RPSA2: variants seen among roughly 807,000 people sequenced by gnomAD.
RPSA2 encodes small ribosomal subunit protein uS2B.
chr19:23,850,625 A>T, the RPSA2 span, among the ~76,000 whole-genome samples: 1 of 151,584 alleles, frequency 6.6e-6, no homozygotes, highest in South Asian at 2.1e-4. Flanking sequence ...CAGACAGGGG[A>T]TTGATGATCT....
At chr19:23,862,922 T>A in the RPSA2 span, among the ~76,000 whole-genome samples, 1 of 151,672 alleles carries the variant, frequency 6.6e-6, no homozygotes. Flanking sequence ...TTTGTTTTTT[T>A]GAGATGGAGT....
chr19:23,849,722 C>T, the RPSA2 span, among the ~76,000 whole-genome samples: 13 of 152,072 alleles, frequency 8.5e-5, no homozygotes, highest in South Asian at 2.1e-4. Flanking sequence ...CTCCTGCCAG[C>T]GGAGCAATTG....
chr19:23,827,522 C>A, the RPSA2 span: 1 of 1,596,986 alleles, frequency 6.3e-7, no homozygotes, highest in Non-Finnish European at 8.5e-7. Context: ...GGAGCCACGG[C>A]TTCTTGTGGT....
the RPSA2 span, among the ~76,000 whole-genome samples, chr19:23,841,408 G>A: frequency 6.6e-6 from 1 of 152,144 alleles, no homozygotes; most frequent in Admixed American, 6.5e-5. Context: ...AGCTTGCAGT[G>A]AGCCAAGATC....
At chr19:23,782,441 AGGG>A in the RPSA2 span, 23 of 152,112 alleles carry the variant, frequency 1.5e-4, no homozygotes, top group African/African-American at 5.6e-4. Context: ...TCCTGACTAC[AGGG>A]AGCATTGTGA....
the RPSA2 span, among the ~76,000 whole-genome samples, chr19:23,839,609 A>G: frequency 1.3e-5 from 2 of 152,210 alleles, no homozygotes; most frequent in Non-Finnish European, 2.9e-5. Flanking sequence ...GCCTTCCCTG[A>G]GTTCTTGCCA....
chr19:23,832,280 G>T, the RPSA2 span: 23 of 451,164 alleles, frequency 5.1e-5, no homozygotes, highest in South Asian at 2.9e-4. Context: ...AAACATAAGA[G>T]AATTCATACT....
the RPSA2 span, among the ~76,000 whole-genome samples, chr19:23,781,037 T>C: frequency 6.6e-6 from 1 of 152,194 alleles, no homozygotes; most frequent in East Asian, 1.9e-4. Context: ...TGCAGTGGCA[T>C]GATCTCGGCT....
the RPSA2 span, among the ~76,000 whole-genome samples, chr19:23,858,922 CTG>C: frequency 6.1e-4 from 93 of 152,348 alleles, no homozygotes; most frequent in African/African-American, 2.2e-3. Context: ...TGAAGCCAGT[CTG>C]TAAAATCCGC....
chr19:23,843,494 G>T, the RPSA2 span, among the ~76,000 whole-genome samples: 1 of 152,090 alleles, frequency 6.6e-6, no homozygotes, highest in African/African-American at 2.4e-5. Context: ...TTTCCTTTGA[G>T]GGTACCATGA....
the RPSA2 span, among the ~76,000 whole-genome samples, chr19:23,856,739 G>A: frequency 1.9e-3 from 289 of 152,212 alleles, 2 homozygotes; most frequent in Non-Finnish European, 3.5e-3. Flanking sequence ...GGCCGCTGGG[G>A]GTGACATCAC....
At chr19:23,858,672 C>A in the RPSA2 span, among the ~76,000 whole-genome samples, 2 of 152,250 alleles carry the variant, frequency 1.3e-5, no homozygotes, top group Middle Eastern at 3.4e-3. Flanking sequence ...TAAATGCCAG[C>A]AGCTGTGCCA....
the RPSA2 span, among the ~76,000 whole-genome samples, chr19:23,870,825 G>A: frequency 1.3e-5 from 2 of 152,192 alleles, no homozygotes; most frequent in South Asian, 4.1e-4. Flanking sequence ...CCTGAGGATT[G>A]TGACCAACAC....
the RPSA2 span, among the ~76,000 whole-genome samples, chr19:23,790,952 C>T: frequency 6.6e-6 from 1 of 152,154 alleles, no homozygotes; most frequent in African/African-American, 2.4e-5. Flanking sequence ...AGGCTGACAG[C>T]CGGGCCCCCG....
the RPSA2 span, among the ~76,000 whole-genome samples, chr19:23,791,215 C>CTTTTT: frequency 6.6e-6 from 1 of 152,108 alleles, no homozygotes; most frequent in East Asian, 1.9e-4. Context: ...GTGGAAGGGG[C>CTTTTT]TTCTCGAACT....
chr19:23,801,674 A>G, the RPSA2 span, among the ~76,000 whole-genome samples: 1 of 152,200 alleles, frequency 6.6e-6, no homozygotes, highest in African/African-American at 2.4e-5. Context: ...TAAACCAATA[A>G]TAAGTTATTT....
the RPSA2 span, among the ~76,000 whole-genome samples, chr19:23,770,610 C>T: frequency 6.6e-6 from 1 of 152,148 alleles, no homozygotes; most frequent in Non-Finnish European, 1.5e-5. Context: ...CCCTTTTCTG[C>T]CTGCACCCTG....
the RPSA2 span, among the ~76,000 whole-genome samples, chr19:23,805,177 T>C: frequency 8.9e-6 from 1 of 111,974 alleles, no homozygotes; most frequent in African/African-American, 3.3e-5. Flanking sequence ...TTTTTCTTTT[T>C]TTTTAAGATG....
At chr19:23,836,264 G>T in the RPSA2 span, among the ~76,000 whole-genome samples, 1 of 152,026 alleles carries the variant, frequency 6.6e-6, no homozygotes, top group Non-Finnish European at 1.5e-5. Flanking sequence ...TTCCATTCCT[G>T]AGTTACTTCA....
Sources: allele counts gnomAD v4.1 joint callset (sites outside exome capture counted in the v4.1 genomes callset), GRCh38; gene constraint gnomAD v4.1.1; transcripts MANE v1.5; gene names NCBI Gene and HGNC (gene_info 2026-07-23, HGNC 2026-07-21).